Variants in ZNF536 observed in about 807,000 individuals in gnomAD.
ZNF536 encodes zinc finger protein 536.
A neutral mutation model predicts 84.5 loss-of-function variants in ZNF536; 13 were observed. The observed-to-expected ratio is 0.15, with a 90% CI of 0.10 to 0.24. The LOEUF is 0.24. Among genes scored for constraint, ZNF536 ranks in the 10% least tolerant of loss-of-function variants. The pLI is 1.00. For synonymous variants in ZNF536, 811 were observed against 742.5 expected (o/e 1.09, Z -1.50); for missense variants, 1,536 against 1,747.5 (o/e 0.88, Z 2.16).
At chr19:30,288,852 T>C (rs575090658) in intron 2 of ZNF536, among the ~76,000 whole-genome samples, 2 of 152,344 alleles carry the variant, frequency 1.3e-5, no homozygotes, top group South Asian at 4.1e-4. Flanking sequence ...CCTTCCCCCT[T>C]TCTCCATCTT....
At chr19:30,680,862 C>T (rs2050940957) in intron 1 of ZNF536, among the ~76,000 whole-genome samples, 2 of 152,142 alleles carry the variant, frequency 1.3e-5, no homozygotes, top group South Asian at 4.1e-4. Context: ...AGTTTACAGT[C>T]CCACCAACAG....
chr19:30,678,732 A>AT (rs2050850540), intron 1 of ZNF536, among the ~76,000 whole-genome samples: 1 of 109,754 alleles, frequency 9.1e-6, no homozygotes, highest in Admixed American at 8.4e-5. Context: ...CCCACCCCCA[A>AT]GCCCCCCCAC....
intron 1 of ZNF536, among the ~76,000 whole-genome samples, chr19:30,566,648 C>G (rs536495515): frequency 1.3e-3 from 204 of 151,512 alleles, no homozygotes; most frequent in Non-Finnish European, 2.5e-3. Flanking sequence ...GTGGGGGGAT[C>G]CCTGCCTGTG....
intron 2 of ZNF536, among the ~76,000 whole-genome samples, chr19:30,511,005 G>A (rs1237807196): frequency 1.3e-5 from 2 of 152,202 alleles, no homozygotes; most frequent in African/African-American, 2.4e-5. Flanking sequence ...GCCCTGGCTG[G>A]AGAACAAAGG....
rs1404620596 is a variant in ZNF536 at position 30,333,555 on chromosome 19, G to A, written c.-119-18813G>A. Among the ~76,000 whole-genome samples the A allele has an allele frequency of 2.6e-5, 4 of 152,196 alleles. No individual in the cohort carries two copies. The East Asian group carries it at 7.7e-4, about 29-fold the overall frequency. On this transcript the variant is annotated intron_variant, in intron 2 of 5. Coordinates refer to the ZNF536 transcript ENST00000585628. ...TGTCTTTGTCTGGGGCTTCCTGCAGGCCTTCCTGGTAGAAATCTGCTTGCT... is the reference window on the plus strand; with the variant it reads ...TGTCTTTGTCTGGGGCTTCCTGCAGACCTTCCTGGTAGAAATCTGCTTGCT...
At chr19:30,352,059 A>G (rs1018096886) in intron 2 of ZNF536, among the ~76,000 whole-genome samples, 3 of 152,244 alleles carry the variant, frequency 2.0e-5, no homozygotes, top group Non-Finnish European at 4.4e-5. Flanking sequence ...GCCCTGATAG[A>G]GCACAAGGAG....
intron 1 of ZNF536, among the ~76,000 whole-genome samples, chr19:30,245,879 G>A (rs1480183075): frequency 6.6e-6 from 1 of 152,226 alleles, no homozygotes; most frequent in East Asian, 1.9e-4. Flanking sequence ...CAGGCCTCTT[G>A]CTTGACATCA....
Position 30,444,974 on chromosome 19 carries a change from C to G in ZNF536, c.1412C>G (p.Ser471Cys). Residue 471 changes from serine to cysteine, a missense_variant, in exon 2 of 5, where the codon TCT becomes TGT. By Grantham distance (112) the Ser-to-Cys change is moderately radical (BLOSUM62 -1). This residue lies in a region of ZNF536 where 366 missense variants were observed against 364.4 expected (regional missense o/e 1.00). Transcript: ENST00000355537. ...AAGGAAGCGCTGGGGAAGCTGCTGT[C>G]TCCCATCTCCAGCATGGCCCACGGC... The part of the protein sequence containing the change: ...KEKEALGKLL[S>C]PISSMAHGVP... The G allele has an allele frequency of 6.2e-7, 1 of 1,611,582 alleles. No individual in the cohort carries two copies. Among genetic ancestry groups the G allele is most frequent in the Non-Finnish European group, 8.5e-7 (1 of 1,178,918 alleles).
exon 2 of ZNF536, chr19:30,712,951 A>AAAAAAAG (rs1390360183): frequency 2.0e-5 from 3 of 152,080 alleles, no homozygotes; most frequent in African/African-American, 4.8e-5. Flanking sequence ...AAAACATAAA[A>AAAAAAAG]AAAAAAGAAA....
At chr19:30,367,257 C>T (rs188663949) in intron 3 of ZNF536, among the ~76,000 whole-genome samples, 127 of 152,248 alleles carry the variant, frequency 8.3e-4, no homozygotes, top group Non-Finnish European at 1.5e-4. Flanking sequence ...GGGAGCGTGC[C>T]GTGGTGAGGC....
intron 2 of ZNF536, among the ~76,000 whole-genome samples, chr19:30,298,380 A>G (rs528688905): frequency 6.6e-6 from 1 of 152,212 alleles, no homozygotes; most frequent in African/African-American, 2.4e-5. Flanking sequence ...AGCTGTGCAG[A>G]GGCACCATAC....
upstream of ZNF536, among the ~76,000 whole-genome samples, chr19:30,371,384 G>A (rs1036095983): frequency 2.6e-5 from 4 of 152,082 alleles, no homozygotes; most frequent in Admixed American, 6.5e-5. Context: ...TGTTGTGGCC[G>A]CAACACTGAA....
At chr19:30,601,568 A>T (rs924760432) in intron 1 of ZNF536, among the ~76,000 whole-genome samples, 1 of 152,154 alleles carries the variant, frequency 6.6e-6, no homozygotes, top group African/African-American at 2.4e-5. Flanking sequence ...CATCAGAAGG[A>T]ACCTATAGAT....
At chr19:30,320,402 C>A (rs2046815065) in intron 2 of ZNF536, among the ~76,000 whole-genome samples, 1 of 152,208 alleles carries the variant, frequency 6.6e-6, no homozygotes, top group Non-Finnish European at 1.5e-5. Flanking sequence ...GGCTACGATT[C>A]ATCAGGAATG....
At chr19:30,660,461 C>A (rs1014165659) in intron 1 of ZNF536, among the ~76,000 whole-genome samples, 1 of 152,178 alleles carries the variant, frequency 6.6e-6, no homozygotes, top group Non-Finnish European at 1.5e-5. Context: ...TGTATCATTT[C>A]ATTTCCGGGG....
At chr19:30,346,593 G>A (rs2047750096) in intron 2 of ZNF536, among the ~76,000 whole-genome samples, 1 of 152,166 alleles carries the variant, frequency 6.6e-6, no homozygotes, top group Non-Finnish European at 1.5e-5. Flanking sequence ...AGAACATGCA[G>A]TATTTGGTTT....
intron 1 of ZNF536, among the ~76,000 whole-genome samples, chr19:30,377,503 G>A (rs1019159321): frequency 5.9e-5 from 9 of 152,168 alleles, no homozygotes; most frequent in African/African-American, 2.2e-4. Context: ...AGAAAGTAAA[G>A]TGGTGAAAGT....
At chr19:30,291,622 A>G (rs1002148887) in intron 2 of ZNF536, among the ~76,000 whole-genome samples, 2 of 152,202 alleles carry the variant, frequency 1.3e-5, no homozygotes, top group African/African-American at 4.8e-5. Flanking sequence ...TGCGGGATCT[A>G]TGGTAATTCC....
rs540781312 is a variant in ZNF536, at chr19:30,620,634, C to G, written c.169+71120C>G. ...ATCCCCATGTGTTGCAGTGGTGGCT[C>G]TGGAGACATCGGGGTGAGCTGTCTA... On this transcript the variant is annotated intron_variant, in intron 1 of 1. Transcript: ENST00000592773. Among the ~76,000 whole-genome samples, 20 of 152,280 alleles carry G rather than the reference C, an allele frequency of 1.3e-4. No individual in the cohort carries two copies. In the South Asian group the frequency reaches 3.5e-3, roughly 27 times the overall value.
Sources: allele counts gnomAD v4.1 joint callset (sites outside exome capture counted in the v4.1 genomes callset), GRCh38; gene constraint gnomAD v4.1.1; regional missense constraint gnomAD v4.1.1; transcripts MANE v1.5; gene names NCBI Gene and HGNC (gene_info 2026-07-23, HGNC 2026-07-21).